GMDS: variants seen among roughly 807,000 people sequenced by gnomAD.
GMDS encodes the protein GDP-mannose 4,6 dehydratase.
Under a neutral mutation model 49.9 loss-of-function variants are expected in GMDS, and 20 were observed. That is an observed-to-expected ratio of 0.40 (90% CI 0.28 to 0.58). The LOEUF is 0.58. Among genes scored for constraint, GMDS ranks in the 20% least tolerant of loss-of-function variants. GMDS has a pLI of 0.42. For missense variants in GMDS, 362 were observed against 481.4 expected, an observed-to-expected ratio of 0.75 and a Z score of 2.32; for synonymous variants, 177 against 178.6, an observed-to-expected ratio of 0.99 and a Z score of 0.07.
chr6:2,059,524 C>G (rs1015952236), intron 4 of GMDS, among the ~76,000 whole-genome samples: 2 of 148,476 alleles, frequency 1.3e-5, no homozygotes, highest in Non-Finnish European at 3.0e-5. Context: ...CTGGCTAACA[C>G]GGTGAAACCC....
chr6:1,898,539 A>G (rs1278792794), intron 7 of GMDS, among the ~76,000 whole-genome samples: 1 of 152,128 alleles, frequency 6.6e-6, no homozygotes, highest in Non-Finnish European at 1.5e-5. Context: ...GAGGGCATTT[A>G]CCAGTTCCTA....
intron 4 of GMDS, among the ~76,000 whole-genome samples, chr6:2,044,215 T>C (rs1314372800): frequency 2.0e-5 from 3 of 152,208 alleles, no homozygotes; most frequent in African/African-American, 7.2e-5. Flanking sequence ...TTACAGGGTA[T>C]ATACCCAAAG....
intron 7 of GMDS, among the ~76,000 whole-genome samples, chr6:1,882,640 A>G (rs377101909): frequency 2.0e-5 from 3 of 152,218 alleles, no homozygotes; most frequent in East Asian, 3.8e-4. Flanking sequence ...TCAACGTCAT[A>G]AGCAGTGTCT....
chr6:1,689,121 G>C (rs538726080), intron 9 of GMDS, among the ~76,000 whole-genome samples: 2 of 152,312 alleles, frequency 1.3e-5, no homozygotes, highest in East Asian at 3.9e-4. Flanking sequence ...ATTAAATCAA[G>C]CTGAGGTTGT....
intron 7 of GMDS, among the ~76,000 whole-genome samples, chr6:1,831,437 C>T: frequency 6.6e-6 from 1 of 152,058 alleles, no homozygotes; most frequent in East Asian, 1.9e-4. Flanking sequence ...TAAACAGATG[C>T]CAATTTTAAG....
At position 2,155,908 on chromosome 6, in the gene GMDS, T is replaced by C. The variant is rs945768947; in HGVS notation, c.103-31177A>G. Among the ~76,000 whole-genome samples the C allele has an allele frequency of 8.5e-5, 13 of 152,210 alleles. No homozygotes were observed. The East Asian group carries it at 2.5e-3, about 29-fold the overall frequency. On this transcript the variant is annotated intron_variant, in intron 1 of 10. Transcript: ENST00000380815. ...ATACAACAGCCATGATTTGAAAAGATATTTTAAACTAACCTACTTATAAAA... is the reference window on the plus strand; with the variant it reads ...ATACAACAGCCATGATTTGAAAAGACATTTTAAACTAACCTACTTATAAAA...
chr6:1,757,952 T>C (rs1768013799), intron 7 of GMDS, among the ~76,000 whole-genome samples: 1 of 152,224 alleles, frequency 6.6e-6, no homozygotes, highest in Non-Finnish European at 1.5e-5. Flanking sequence ...ATATTTCACG[T>C]TCCTTTTCTA....
chr6:2,203,484 T>C (rs775624730), intron 1 of GMDS, among the ~76,000 whole-genome samples: 16 of 150,890 alleles, frequency 1.1e-4, no homozygotes, highest in Non-Finnish European at 1.8e-4. Flanking sequence ...TATTGACTTA[T>C]TCTTAGACAA....
chr6:1,708,099 A>G (rs529856993), intron 9 of GMDS, among the ~76,000 whole-genome samples: 31 of 152,364 alleles, frequency 2.0e-4, no homozygotes, highest in Non-Finnish European at 2.4e-4. Flanking sequence ...AATGGCATAG[A>G]AAGGAAATAT....
chr6:1,866,569 T>A (rs1475737786), intron 7 of GMDS, among the ~76,000 whole-genome samples: 1 of 152,224 alleles, frequency 6.6e-6, no homozygotes, highest in Non-Finnish European at 1.5e-5. Flanking sequence ...CTGAATTGTT[T>A]CCCGAAGTTT....
chr6:1,955,514 A>C (rs968408459), intron 6 of GMDS, among the ~76,000 whole-genome samples: 2 of 152,186 alleles, frequency 1.3e-5, no homozygotes, highest in African/African-American at 4.8e-5. Flanking sequence ...AAATATTACT[A>C]AAGTGCTCCC....
chr6:2,193,720 AT>A (rs35997013), intron 1 of GMDS, among the ~76,000 whole-genome samples: 1,304 of 111,768 alleles, frequency 0.012, 4 homozygotes, highest in African/African-American at 0.018. Flanking sequence ...TGAAAATGCT[AT>A]TTTTTTTTTT....
intron 9 of GMDS, among the ~76,000 whole-genome samples, chr6:1,710,197 T>C (rs1429238558): frequency 6.6e-6 from 1 of 152,244 alleles, no homozygotes; most frequent in Non-Finnish European, 1.5e-5. Context: ...GCCTGTCAAG[T>C]TGACTTTGTC....
chr6:1,868,377 T>C (rs1034698336), intron 7 of GMDS, among the ~76,000 whole-genome samples: 1 of 152,176 alleles, frequency 6.6e-6, no homozygotes, highest in Admixed American at 6.5e-5. Context: ...CATATTTTCC[T>C]ACATGGATGA....
At chr6:2,013,925 CATATATATATATATATAT>C (rs10523956) in intron 4 of GMDS, among the ~76,000 whole-genome samples, 36,410 of 124,986 alleles carry the variant, frequency 0.29, 6,544 homozygotes, top group East Asian at 0.52. Flanking sequence ...GGATAAAAAC[CATATATATATATATATAT>C]ATATATATAT....
At chr6:2,091,801 A>G (rs1773324578) in intron 4 of GMDS, among the ~76,000 whole-genome samples, 1 of 151,782 alleles carries the variant, frequency 6.6e-6, no homozygotes, top group Non-Finnish European at 1.5e-5. Context: ...TACTCGGGAG[A>G]CTGAGGTGGG....
chr6:2,229,060 G>A (rs896455824), intron 1 of GMDS, among the ~76,000 whole-genome samples: 14 of 152,104 alleles, frequency 9.2e-5, no homozygotes, highest in South Asian at 2.1e-4. Context: ...GGGGTCTCCC[G>A]TGGCTCCACT....
chr6:2,137,829 AC>A (rs1776086783), intron 1 of GMDS, among the ~76,000 whole-genome samples: 1 of 152,154 alleles, frequency 6.6e-6, no homozygotes, highest in South Asian at 2.1e-4. Context: ...AGGTCCATAA[AC>A]CAGCAATGAT....
intron 9 of GMDS, among the ~76,000 whole-genome samples, chr6:1,653,182 T>C (rs1456538354): frequency 2.0e-5 from 3 of 152,114 alleles, no homozygotes; most frequent in Non-Finnish European, 4.4e-5. Flanking sequence ...TGTCTTATTG[T>C]TTAAACTGGA....
Sources: allele counts gnomAD v4.1 joint callset (sites outside exome capture counted in the v4.1 genomes callset), GRCh38; gene constraint gnomAD v4.1.1; transcripts MANE v1.5; gene names NCBI Gene and HGNC (gene_info 2026-07-23, HGNC 2026-07-21).